ZBTB38: variants seen among roughly 807,000 people sequenced by gnomAD.
ZBTB38 encodes the protein zinc finger and BTB domain-containing protein 38.
In ZBTB38, 20 loss-of-function variants were observed where a neutral mutation model predicts 76.8. That is an observed-to-expected ratio of 0.26 (90% confidence interval 0.18 to 0.38). ZBTB38 has a LOEUF of 0.38. Ranked by LOEUF, ZBTB38 falls within the 10% of genes least tolerant of loss-of-function variation. The pLI, the probability that ZBTB38 is intolerant of heterozygous loss-of-function variation, is 1.00. For missense variants in ZBTB38, 1,082 were observed against 1,482.3 expected (o/e 0.73, Z 4.43); for synonymous variants, 504 against 544.2 (o/e 0.93, Z 1.03).
At chr3:141,402,690 G>A (rs1255922242) in intron 4 of ZBTB38, 2 of 151,966 alleles carry the variant, frequency 1.3e-5, no homozygotes, top group South Asian at 2.1e-4. Context: ...CCGGAGCGGG[G>A]CGGGGCGGGG....
chr3:141,443,057 C>T lies in ZBTB38; in HGVS notation c.669C>T (p.Tyr223=), dbSNP rs745890075. The change falls in exon 6 of 6, where the codon TAC becomes TAT. Residue 223 remains tyrosine, a synonymous_variant. Transcript: ENST00000321464. This position sits in a 1 kb window ranked among gnomAD's most constrained non-coding sequence, Gnocchi z 5.6. The part of the protein sequence containing the change: ...EPVRTLAEHS[Y]AVSSVAEAYR... The stretch of plus-strand genomic sequence containing the variant: ...TCCGCACACTTGCCGAGCACTCATA[C>T]GCTGTTTCTTCCGTAGCTGAAGCTT... 2.7e-5 allele frequency: 44 copies of T among 1,614,250 alleles called. No homozygotes were observed. In the East Asian group the frequency reaches 6.0e-4, roughly 22 times the overall value.
chr3:141,409,493 A>G (rs1194218344), intron 5 of ZBTB38, among the ~76,000 whole-genome samples: 2 of 152,230 alleles, frequency 1.3e-5, no homozygotes, highest in African/African-American at 4.8e-5. Flanking sequence ...AGAGATCCTC[A>G]TCCTTAATAT....
At chr3:141,353,522 T>A (rs985829179) in intron 1 of ZBTB38, among the ~76,000 whole-genome samples, 1 of 151,798 alleles carries the variant, frequency 6.6e-6, no homozygotes, top group Non-Finnish European at 1.5e-5. Context: ...ATACAATAGA[T>A]ATTTCAGTTT....
chr3:141,425,210 A>G (rs908424929), intron 5 of ZBTB38, among the ~76,000 whole-genome samples: 14 of 152,240 alleles, frequency 9.2e-5, no homozygotes, highest in Non-Finnish European at 5.9e-5. Context: ...ATGGAATAAC[A>G]TGGAAAGAGT....
At chr3:141,393,040 C>T (rs1475708736) in intron 4 of ZBTB38, among the ~76,000 whole-genome samples, 2 of 152,164 alleles carry the variant, frequency 1.3e-5, no homozygotes, top group African/African-American at 4.8e-5. Context: ...AATTCCTGCT[C>T]AGGGTTCAAG....
At chr3:141,377,206 C>G (rs1193648425) in intron 2 of ZBTB38, among the ~76,000 whole-genome samples, 1 of 152,242 alleles carries the variant, frequency 6.6e-6, no homozygotes, top group Non-Finnish European at 1.5e-5. Flanking sequence ...TCAGGAGCAA[C>G]TGGGCAAACC....
At chr3:141,421,864 A>G (rs1201098827) in intron 5 of ZBTB38, among the ~76,000 whole-genome samples, 2 of 152,252 alleles carry the variant, frequency 1.3e-5, no homozygotes, top group African/African-American at 4.8e-5. Flanking sequence ...CATTTTGAGA[A>G]AGGTCTTGGG....
chr3:141,327,901 T>G (rs1942721181), intron 1 of ZBTB38, among the ~76,000 whole-genome samples: 1 of 152,226 alleles, frequency 6.6e-6, no homozygotes, highest in East Asian at 1.9e-4. Flanking sequence ...GGAAAGCTAC[T>G]GAGACTCTGT....
intron 1 of ZBTB38, among the ~76,000 whole-genome samples, chr3:141,329,390 A>G (rs1016383970): frequency 2.0e-5 from 3 of 152,166 alleles, no homozygotes; most frequent in Non-Finnish European, 2.9e-5. Flanking sequence ...CTCCCAGCTT[A>G]ATTTTATTTC....
At chr3:141,407,709 C>G (rs1955054697) in intron 5 of ZBTB38, among the ~76,000 whole-genome samples, 1 of 152,234 alleles carries the variant, frequency 6.6e-6, no homozygotes, top group Non-Finnish European at 1.5e-5. Flanking sequence ...TTAAACAGCA[C>G]TGTCATGGCT....
rs1399211545 is a variant in ZBTB38, at chr3:141,447,617, T to C, written c.*1641T>C. ...TTTCAGCGTGACCTGCAGTCATTCA[T>C]GTTCATTGGATTTGACAGATGGAAA... On this transcript the variant is annotated 3_prime_UTR_variant, in exon 6 of 6. Transcript: ENST00000321464. The C allele has an allele frequency of 1.3e-5, 2 of 152,452 alleles. No individual in the cohort carries two copies. Among genetic ancestry groups the C allele is most frequent in the Admixed American group, 6.5e-5 (1 of 15,280 alleles). The allele number at this position is 152,452 out of a possible 1,614,324, so 9.4% of individuals were successfully genotyped here. A position where few individuals can be genotyped will look rare whatever the true frequency, so the allele number is the denominator to read the frequency against.
chr3:141,371,058 T>C (rs918822670), intron 2 of ZBTB38, among the ~76,000 whole-genome samples: 1 of 128,388 alleles, frequency 7.8e-6, no homozygotes, highest in African/African-American at 3.2e-5. Flanking sequence ...TTTTTTTTTT[T>C]TTTTTTTTTT....
intron 3 of ZBTB38, among the ~76,000 whole-genome samples, chr3:141,385,679 TGC>T (rs1553764868): frequency 3.5e-5 from 5 of 143,174 alleles, no homozygotes; most frequent in Non-Finnish European, 6.2e-5. Context: ...TGTGTGTGTG[TGC>T]GCGTGTGTTG....
intron 4 of ZBTB38, among the ~76,000 whole-genome samples, chr3:141,391,211 C>T (rs1433152856): frequency 6.6e-6 from 1 of 152,004 alleles, no homozygotes; most frequent in Non-Finnish European, 1.5e-5. Flanking sequence ...TTATGTGGTT[C>T]TAGGGAGGAG....
At chr3:141,401,187 G>T (rs891532083) in intron 4 of ZBTB38, among the ~76,000 whole-genome samples, 4 of 152,098 alleles carry the variant, frequency 2.6e-5, no homozygotes, top group Non-Finnish European at 4.4e-5. Flanking sequence ...CAAAAACATT[G>T]CAGGTTTTTG....
At chr3:141,352,638 T>C (rs1029264954) in intron 1 of ZBTB38, among the ~76,000 whole-genome samples, 1 of 152,006 alleles carries the variant, frequency 6.6e-6, no homozygotes, top group Non-Finnish European at 1.5e-5. Flanking sequence ...GCAAAATGAA[T>C]TATAGGCATA....
intron 1 of ZBTB38, among the ~76,000 whole-genome samples, chr3:141,340,984 A>AAGAAAGAAAG (rs1559913290): frequency 2.8e-5 from 4 of 144,234 alleles, no homozygotes; most frequent in African/African-American, 8.0e-5. Flanking sequence ...GAAAGAAAGA[A>AAGAAAGAAAG]AGAAAGAGAA....
intron 5 of ZBTB38, among the ~76,000 whole-genome samples, chr3:141,435,646 G>A (rs1486591423): frequency 6.6e-6 from 1 of 151,940 alleles, no homozygotes; most frequent in East Asian, 1.9e-4. Context: ...TGTAATCCCA[G>A]CTACTTGGGA....
chr3:141,421,491 GTTTT>G (rs758565904), intron 5 of ZBTB38, among the ~76,000 whole-genome samples: 1 of 151,878 alleles, frequency 6.6e-6, no homozygotes, highest in Non-Finnish European at 1.5e-5. Flanking sequence ...AGTTTTTTGG[GTTTT>G]TTTGTTTTGT....
Sources: allele counts gnomAD v4.1 joint callset (sites outside exome capture counted in the v4.1 genomes callset), GRCh38; gene constraint gnomAD v4.1.1; non-coding constraint Gnocchi (gnomAD v3.1); transcripts MANE v1.5; gene names NCBI Gene and HGNC (gene_info 2026-07-23, HGNC 2026-07-21).